Variants in KIAA1671 observed in about 807,000 individuals in gnomAD.
The protein encoded by KIAA1671 is uncharacterized protein KIAA1671.
Under a neutral mutation model 131.2 loss-of-function variants are expected in KIAA1671, and 52 were observed. That is an observed-to-expected ratio of 0.40 (90% CI 0.32 to 0.50). KIAA1671 has a LOEUF of 0.50. Ranked by LOEUF, KIAA1671 falls within the 20% of genes least tolerant of loss-of-function variation. The probability of loss-of-function intolerance (pLI) is 0.73; values close to 1 mark genes in which losing one functional copy is unlikely to be tolerated. For synonymous variants in KIAA1671, 1,003 were observed against 961.6 expected (o/e 1.04, Z -0.80); for missense variants, 2,360 against 2,364.2 (o/e 1.00, Z 0.04).
At chr22:25,080,017 C>T (rs984991351) in intron 6 of KIAA1671, among the ~76,000 whole-genome samples, 2 of 152,118 alleles carry the variant, frequency 1.3e-5, no homozygotes, top group African/African-American at 4.8e-5. Flanking sequence ...CCAGGATGTG[C>T]TCATGGATTG....
At chr22:24,958,082 G>A (rs957327936) in intron 1 of KIAA1671, among the ~76,000 whole-genome samples, 4 of 151,200 alleles carry the variant, frequency 2.6e-5, no homozygotes, top group East Asian at 1.9e-4. Flanking sequence ...GATGTGCTGC[G>A]AGGTCACGCA....
chr22:25,093,716 C>G (rs1220944432), intron 6 of KIAA1671, among the ~76,000 whole-genome samples: 1 of 129,030 alleles, frequency 7.8e-6, no homozygotes, highest in East Asian at 2.1e-4. Flanking sequence ...CACACACACA[C>G]ACACACACAC....
At position 24,969,451 on chromosome 22, in the gene KIAA1671, C is replaced by CA. The variant is rs368650335; in HGVS notation, c.-208+16688dup. On this transcript the variant is annotated intron_variant, in intron 1 of 12. Coordinates refer to ENST00000358431, the MANE Select transcript of KIAA1671 (RefSeq NM_001145206.2). ...CACTGTATTGTTTATGGAATAATGA[C>CA]AAAAAAAAACCTCTGTACATGTTCA... Among the ~76,000 whole-genome samples the CA allele has an allele frequency of 4.4e-3, 664 of 150,380 alleles. 3 individuals are homozygous for CA. The highest frequency in any genetic ancestry group is 0.014 in the African/African-American group (578 of 41,020).
intron 6 of KIAA1671, among the ~76,000 whole-genome samples, chr22:25,098,918 C>T (rs1288964219): frequency 1.3e-5 from 2 of 152,190 alleles, no homozygotes; most frequent in Non-Finnish European, 2.9e-5. Context: ...GAGAACAGAC[C>T]TCCAGCTGGG....
rs892541563 is a variant in KIAA1671 at position 25,195,836 on chromosome 22, G to C, written c.*3435G>C. ...TGTAGATATTTAAACCAGAGTAAGTGATGGGGAGACATTCTGTGGTCTCTG... is the reference window on the plus strand; with the variant it reads ...TGTAGATATTTAAACCAGAGTAAGTCATGGGGAGACATTCTGTGGTCTCTG... On this transcript the variant is annotated 3_prime_UTR_variant, in exon 13 of 13. Transcript: ENST00000358431. 1 of 136,614 alleles carries C rather than the reference G, an allele frequency of 7.3e-6. No individual in the cohort carries two copies. Among genetic ancestry groups the C allele is most frequent in the African/African-American group, 2.5e-5 (1 of 40,160 alleles). The allele number at this position is 136,614 out of a possible 1,614,324, so 8.5% of individuals were successfully genotyped here. A position where few individuals can be genotyped will look rare whatever the true frequency, so the allele number is the denominator to read the frequency against.
In KIAA1671 at chr22:24,957,964, C is replaced by A. The variant is rs544121693; in HGVS notation, c.-208+5192C>A. Among the ~76,000 whole-genome samples, 22 of 108,334 alleles carry A rather than the reference C, an allele frequency of 2.0e-4. No individual in the cohort carries two copies. In the East Asian group the frequency reaches 5.6e-3, roughly 28 times the overall value. The allele number at this position is 108,334 out of a possible 152,430, so 71.1% of individuals were successfully genotyped here. A position where few individuals can be genotyped will look rare whatever the true frequency, so the allele number is the denominator to read the frequency against. ...AAGTGCTGGGATTACAGGCACCCGG[C>A]CTTTTTTTTTTTTTTTTTTTTTAAT... On this transcript the variant is annotated intron_variant, in intron 1 of 12. Transcript: ENST00000358431.
chr22:25,130,135 C>T (rs1309508808), intron 6 of KIAA1671, among the ~76,000 whole-genome samples: 3 of 152,072 alleles, frequency 2.0e-5, no homozygotes, highest in Non-Finnish European at 4.4e-5. Flanking sequence ...TTACTGCTAT[C>T]TTATAAGAAT....
Position 25,041,274 on chromosome 22 carries a change from C to G in KIAA1671, c.4144C>G (p.Arg1382Gly), listed in dbSNP as rs1176924605. Residue 1382 changes from arginine (R) to glycine (G), a missense_variant, in exon 5 of 13, where the codon CGG (arginine) becomes GGG (glycine). By Grantham distance (125) the Arg-to-Gly change is moderately radical. Coordinates refer to ENST00000358431, the MANE Select transcript of KIAA1671 (RefSeq NM_001145206.2). Reference sequence around the variant, plus strand: ...AGGGACCCCAAGGAAATCCACCGGGCGGGGAGAGGAGGACAGTGTGGCCCA... The same window carrying G: ...AGGGACCCCAAGGAAATCCACCGGGGGGGGAGAGGAGGACAGTGTGGCCCA... ...KKGTPRKSTG[R>G]GEEDSVAQWG... 2 of 1,551,524 alleles carry G rather than the reference C, an allele frequency of 1.3e-6. No individual in the cohort carries two copies. The highest frequency in any genetic ancestry group is 1.7e-4 in the Middle Eastern group (1 of 6,014).
At position 25,192,559 on chromosome 22, in the gene KIAA1671, A is replaced by C. The variant is rs908950633; in HGVS notation, c.*158A>C. 3 of 152,216 alleles carry C rather than the reference A, an allele frequency of 2.0e-5. No homozygotes were observed. The highest frequency in any genetic ancestry group is 2.0e-4 in the Admixed American group (3 of 15,278). The allele number at this position is 152,216 out of a possible 1,614,324, so 9.4% of individuals were successfully genotyped here. A position where few individuals can be genotyped will look rare whatever the true frequency, so the allele number is the denominator to read the frequency against. Reference sequence around the variant, plus strand: ...GCTATCCAGTGCCCCTGTCCTCGCCAGGCTCTCCCTGGATCCAGACGGGAA... The same window carrying C: ...GCTATCCAGTGCCCCTGTCCTCGCCCGGCTCTCCCTGGATCCAGACGGGAA... On this transcript the variant is annotated 3_prime_UTR_variant, in exon 13 of 13. Coordinates refer to ENST00000358431, the MANE Select transcript of KIAA1671 (RefSeq NM_001145206.2).
chr22:25,081,528 A>G (rs553686039), intron 6 of KIAA1671, among the ~76,000 whole-genome samples: 2 of 152,238 alleles, frequency 1.3e-5, no homozygotes, highest in African/African-American at 2.4e-5. Flanking sequence ...ACAGTGTAGA[A>G]GTTGCTGGCT....
intron 6 of KIAA1671, among the ~76,000 whole-genome samples, chr22:25,161,732 G>A (rs142712942): frequency 6.6e-6 from 1 of 152,266 alleles, no homozygotes; most frequent in East Asian, 1.9e-4. Flanking sequence ...GGGGGACTTG[G>A]CCAATCCTTG....
chr22:24,989,893 A>G lies in KIAA1671; in HGVS notation c.-207-35740A>G, dbSNP rs564515785. 5.9e-5 allele frequency among the ~76,000 whole-genome samples: 9 copies of G among 152,198 alleles called. No individual in the cohort carries two copies. The East Asian group carries it at 1.5e-3, about 26-fold the overall frequency. On this transcript the variant is annotated intron_variant, in intron 1 of 12. Coordinates refer to ENST00000358431, the MANE Select transcript of KIAA1671 (RefSeq NM_001145206.2). ...AACAAAAAAAGGCTGTCCTCTTAAA[A>G]CCACAGCCCCAGAAACCTTGTTGGG...
At chr22:25,033,574 G>GTTTTTTTTTTTTTTTTTTTTTT (rs71191019) in intron 4 of KIAA1671, among the ~76,000 whole-genome samples, 1 of 58,420 alleles carries the variant, frequency 1.7e-5, no homozygotes, top group Non-Finnish European at 2.9e-5. Context: ...GTTTGTTTTC[G>GTTTTTTTTTTTTTTTTTTTTTT]TTTTTTTTTT....
intron 1 of KIAA1671, among the ~76,000 whole-genome samples, chr22:25,020,249 T>A (rs1041932308): frequency 6.6e-6 from 1 of 152,106 alleles, no homozygotes; most frequent in Non-Finnish European, 1.5e-5. Context: ...TGGTAATTAA[T>A]CATTTGAACA....
intron 6 of KIAA1671, among the ~76,000 whole-genome samples, chr22:25,154,768 A>G (rs1933172447): frequency 6.6e-6 from 1 of 152,002 alleles, no homozygotes; most frequent in South Asian, 2.1e-4. Flanking sequence ...GAGGTCCCCA[A>G]CTCCAGAGGA....
chr22:25,138,334 T>C (rs1297811551), intron 6 of KIAA1671, among the ~76,000 whole-genome samples: 1 of 152,174 alleles, frequency 6.6e-6, no homozygotes, highest in Non-Finnish European at 1.5e-5. Flanking sequence ...ACAGCACTTT[T>C]TGCTTGCATT....
intron 6 of KIAA1671, among the ~76,000 whole-genome samples, chr22:25,157,587 CTTATATTAA>C: frequency 2.0e-5 from 3 of 152,262 alleles, no homozygotes; most frequent in Admixed American, 2.0e-4. Flanking sequence ...AACTGTAGAG[CTTATATTAA>C]CAGAAATTCT....
intron 6 of KIAA1671, among the ~76,000 whole-genome samples, chr22:25,095,150 C>T (rs1050374764): frequency 5.9e-5 from 9 of 152,106 alleles, no homozygotes; most frequent in South Asian, 2.1e-4. Flanking sequence ...AGCACAACAC[C>T]GAACATCTCT....
chr22:25,031,061 TTGTGAC>T (rs1406771409), intron 3 of KIAA1671, among the ~76,000 whole-genome samples: 1 of 152,084 alleles, frequency 6.6e-6, no homozygotes, highest in African/African-American at 2.4e-5. Flanking sequence ...TTATTTATTT[TTGTGAC>T]CCAGGCTGGA....
Sources: allele counts gnomAD v4.1 joint callset (sites outside exome capture counted in the v4.1 genomes callset), GRCh38; gene constraint gnomAD v4.1.1; transcripts MANE v1.5; gene names NCBI Gene and HGNC (gene_info 2026-07-23, HGNC 2026-07-21).